TCF12: variants seen among roughly 807,000 people sequenced by gnomAD.
The protein encoded by TCF12 is DNA-binding protein HTF4.
TCF12 carries 45 observed loss-of-function variants against 86.0 expected under a neutral mutation model. That is an observed-to-expected ratio of 0.52 (90% confidence interval 0.41 to 0.67). The LOEUF (loss-of-function observed/expected upper bound fraction) is 0.67. TCF12 is among the 30% of genes least tolerant of loss of function. The pLI, the probability that TCF12 is intolerant of heterozygous loss-of-function variation, is 0.00. For synonymous variants in TCF12, 330 were observed against 299.6 expected (o/e 1.10, Z -1.05); for missense variants, 881 against 859.9 (o/e 1.02, Z -0.31).
At chr15:57,085,660 T>A (rs1160185656) in intron 4 of TCF12, among the ~76,000 whole-genome samples, 1 of 152,238 alleles carries the variant, frequency 6.6e-6, no homozygotes, top group East Asian at 1.9e-4. Flanking sequence ...ATTTTGGCAA[T>A]TTATGATGGG....
At chr15:56,967,109 G>A (rs28464293) in intron 3 of TCF12, among the ~76,000 whole-genome samples, 2,621 of 151,050 alleles carry the variant, frequency 0.017, 84 homozygotes, top group African/African-American at 0.057. Flanking sequence ...GCAACAGAGC[G>A]AGACTCGGTC....
chr15:57,260,005 A>G (rs149366067), intron 16 of TCF12, among the ~76,000 whole-genome samples: 17 of 152,358 alleles, frequency 1.1e-4, no homozygotes, highest in African/African-American at 4.1e-4. Flanking sequence ...CTTCATTGAC[A>G]TGAAAAACTC....
At chr15:57,042,538 C>T (rs944474215) in intron 3 of TCF12, among the ~76,000 whole-genome samples, 5 of 152,010 alleles carry the variant, frequency 3.3e-5, no homozygotes, top group Non-Finnish European at 5.9e-5. Context: ...CTCTGCCTCC[C>T]GAGGAGCCAG....
chr15:56,920,216 G>A (rs1037496268), intron 2 of TCF12, among the ~76,000 whole-genome samples: 1 of 152,090 alleles, frequency 6.6e-6, no homozygotes, highest in Non-Finnish European at 1.5e-5. Flanking sequence ...AAACTTTAAT[G>A]CCAGAGGGGT....
rs140912016 is a variant in TCF12, at chr15:57,123,919, G to A, written c.325+32028G>A. 2.3e-3 allele frequency among the ~76,000 whole-genome samples: 329 copies of A among 143,578 alleles called. 3 individuals carry two copies. Among genetic ancestry groups the A allele is most frequent in the African/African-American group, 7.6e-3 (303 of 39,728 alleles). The allele number at this position is 143,578 out of a possible 152,430, so 94.2% of individuals were successfully genotyped here. A position where few individuals can be genotyped will look rare whatever the true frequency, so the allele number is the denominator to read the frequency against. On this transcript the variant is annotated intron_variant, in intron 5 of 20. Transcript: ENST00000333725. The stretch of plus-strand genomic sequence containing the variant: ...CGGGAGTCAGAGCTTGCAGTTAGCC[G>A]AGATGCGCCACTGCACTCCAGCCTG...
At chr15:57,272,469 C>G (rs1175949654) in intron 18 of TCF12, among the ~76,000 whole-genome samples, 1 of 152,212 alleles carries the variant, frequency 6.6e-6, no homozygotes, top group Non-Finnish European at 1.5e-5. Context: ...ATATCTTAAG[C>G]TTTCCTTCTT....
In TCF12 at chr15:57,231,243, C is replaced by T; in HGVS notation, c.671C>T (p.Thr224Ile). The change falls in exon 9 of 21, where the codon ACT becomes ATT. Residue 224 changes from threonine (T) to isoleucine (I), a missense_variant. Thr to Ile is a moderately conservative substitution (Grantham distance 89). This residue lies in a region of TCF12 where 766 missense variants were observed against 718.9 expected (regional missense o/e 1.07). Coordinates refer to ENST00000333725, the MANE Select transcript of TCF12 (RefSeq NM_207037.2). Reference sequence around the variant, plus strand: ...CCACCAACCAGTATGTTCGCTAGCACTTTCTTTATGCAAGGTAAGTACTAC... The same window carrying T: ...CCACCAACCAGTATGTTCGCTAGCATTTTCTTTATGCAAGGTAAGTACTAC... ...PKPPTSMFASTFFMQDGTHNS... is the reference protein window; with the variant it reads ...PKPPTSMFASIFFMQDGTHNS... The T allele has an allele frequency of 6.2e-7, 1 of 1,611,636 alleles. No homozygotes were observed. The highest frequency in any genetic ancestry group is 8.5e-7 in the Non-Finnish European group (1 of 1,177,954).
At chr15:57,133,387 A>C (rs1436209829) in intron 5 of TCF12, among the ~76,000 whole-genome samples, 3 of 152,228 alleles carry the variant, frequency 2.0e-5, no homozygotes, top group Non-Finnish European at 4.4e-5. Flanking sequence ...GCTAGTTTGT[A>C]TCCTCTAGTG....
At chr15:57,179,029 A>C (rs1167309175) in intron 6 of TCF12, among the ~76,000 whole-genome samples, 1 of 150,970 alleles carries the variant, frequency 6.6e-6, no homozygotes, top group East Asian at 1.9e-4. Context: ...TTTGGGAGGG[A>C]AGTTGAGAAA....
intron 5 of TCF12, among the ~76,000 whole-genome samples, chr15:57,117,931 G>C (rs954112629): frequency 2.0e-5 from 3 of 152,132 alleles, no homozygotes; most frequent in Non-Finnish European, 4.4e-5. Flanking sequence ...AAATATAAGG[G>C]GGGGGAAGGC....
intron 3 of TCF12, among the ~76,000 whole-genome samples, chr15:56,982,853 G>A (rs1333403892): frequency 7.9e-5 from 12 of 152,142 alleles, no homozygotes; most frequent in Non-Finnish European, 2.9e-5. Context: ...TACATTATCT[G>A]ATTTCCTTGT....
intron 3 of TCF12, among the ~76,000 whole-genome samples, chr15:56,948,288 G>T (rs1003386811): frequency 7.9e-5 from 12 of 151,428 alleles, no homozygotes; most frequent in African/African-American, 2.9e-4. Context: ...TGATGGTGCA[G>T]TGTACAATGT....
At chr15:57,154,715 TTTAATGAAA>T (rs2053997215) in intron 5 of TCF12, among the ~76,000 whole-genome samples, 1 of 152,150 alleles carries the variant, frequency 6.6e-6, no homozygotes, top group Non-Finnish European at 1.5e-5. Flanking sequence ...GCCGTTAAAT[TTTAATGAAA>T]TGAAAGGCAT....
intron 5 of TCF12, among the ~76,000 whole-genome samples, chr15:57,142,333 A>ATAGATAGATAGATAGG (rs1468703207): frequency 1.3e-5 from 2 of 152,108 alleles, no homozygotes; most frequent in African/African-American, 4.8e-5. Flanking sequence ...AGATAGATAG[A>ATAGATAGATAGATAGG]TACAGAAAGA....
At position 56,950,368 on chromosome 15, in the gene TCF12, G is replaced by A. The variant is rs185289880; in HGVS notation, c.148+29270G>A. Among the ~76,000 whole-genome samples the A allele has an allele frequency of 6.6e-5, 10 of 152,208 alleles. No individual in the cohort carries two copies. The East Asian group carries it at 1.9e-3, about 29-fold the overall frequency. Reference sequence around the variant, plus strand: ...AGCCTCCTGAGTAGCTGGGATTGCAGGTGCACGCCACCATGCCCAGTTAAT... The same window carrying A: ...AGCCTCCTGAGTAGCTGGGATTGCAAGTGCACGCCACCATGCCCAGTTAAT... On this transcript the variant is annotated intron_variant, in intron 3 of 20. Transcript: ENST00000333725.
intron 3 of TCF12, among the ~76,000 whole-genome samples, chr15:56,930,316 CAGT>C (rs1300095443): frequency 1.3e-5 from 2 of 152,206 alleles, no homozygotes; most frequent in African/African-American, 4.8e-5. Flanking sequence ...TCACTTTAAA[CAGT>C]AGCGTGGTTT....
chr15:56,932,447 A>C (rs568629862), intron 3 of TCF12, among the ~76,000 whole-genome samples: 3 of 152,284 alleles, frequency 2.0e-5, no homozygotes, highest in Non-Finnish European at 4.4e-5. Flanking sequence ...GAAATCTTTG[A>C]AATTTGTTAT....
At chr15:57,102,696 G>T (rs1184369712) in intron 5 of TCF12, among the ~76,000 whole-genome samples, 1 of 152,138 alleles carries the variant, frequency 6.6e-6, no homozygotes, top group African/African-American at 2.4e-5. Flanking sequence ...ATGGTTGGTG[G>T]TTGTAGTGGT....
At chr15:57,261,966 C>A in intron 16 of TCF12, 128 bp from the exon 17 acceptor site, 2 of 542,158 alleles carry the variant, frequency 3.7e-6, no homozygotes, top group Non-Finnish European at 6.3e-6. Flanking sequence ...TAATGGCATC[C>A]AGAAAAAGTT....
Sources: gnomAD v4.1 joint callset for allele counts (sites outside exome capture counted in the v4.1 genomes callset) on GRCh38, gnomAD v4.1.1 for gene constraint, gnomAD v4.1.1 regional missense constraint, MANE v1.5 for transcripts, NCBI Gene and HGNC (gene_info 2026-07-23, HGNC 2026-07-21) for gene names.